The following IL1RAPL2 variants were observed in gnomAD, a reference collection of about 807,000 sequenced individuals.
The protein encoded by IL1RAPL2 is X-linked interleukin-1 receptor accessory protein-like 2.
A neutral mutation model predicts 44.1 loss-of-function variants in IL1RAPL2; 3 were observed. The observed-to-expected ratio is 0.07, with a 90% confidence interval of 0.03 to 0.18. The LOEUF (loss-of-function observed/expected upper bound fraction) is 0.18, where lower values mean the gene tolerates loss of function less well. IL1RAPL2 is among the 10% of genes least tolerant of loss of function. The pLI is 1.00. For missense variants in IL1RAPL2, 391 were observed against 496.4 expected, an observed-to-expected ratio of 0.79 and a Z score of 2.02; for synonymous variants, 181 against 178.8, an observed-to-expected ratio of 1.01 and a Z score of -0.10.
intron 1 of IL1RAPL2, among the ~76,000 whole-genome samples, chrX:104,652,901 G>A (rs1048810571): frequency 9.0e-6 from 1 of 111,013 alleles, no homozygotes; most frequent in African/African-American, 3.3e-5. Context: ...CTAGGAGTTT[G>A]GGGACATGTA....
At chrX:105,311,611 TACACACACACAC>T (rs369751919) in intron 5 of IL1RAPL2, among the ~76,000 whole-genome samples, 1 of 92,556 alleles carries the variant, frequency 1.1e-5, no homozygotes, top group Non-Finnish European at 2.1e-5. Context: ...TATACATACA[TACACACACACAC>T]ACACACACAC....
intron 2 of IL1RAPL2, among the ~76,000 whole-genome samples, chrX:104,748,189 T>A (rs1932206037): frequency 9.0e-6 from 1 of 111,451 alleles, no homozygotes; most frequent in Non-Finnish European, 1.9e-5. Context: ...GGAGGAAATT[T>A]ACATTTGTAA....
chrX:104,846,342 C>T (rs1039632192), intron 2 of IL1RAPL2, among the ~76,000 whole-genome samples: 1 of 109,780 alleles, frequency 9.1e-6, no homozygotes, highest in African/African-American at 3.3e-5. Flanking sequence ...GCTATCCCTC[C>T]CCCCTCTCCC....
chrX:105,176,979 G>C (rs2033479870), intron 2 of IL1RAPL2, among the ~76,000 whole-genome samples: 2 of 111,299 alleles, frequency 1.8e-5, no homozygotes, highest in African/African-American at 6.5e-5. Flanking sequence ...AAGAACACTA[G>C]CTATCAGTGA....
chrX:105,759,935 G>A (rs1463495569), intron 10 of IL1RAPL2, among the ~76,000 whole-genome samples: 1 of 111,847 alleles, frequency 8.9e-6, no homozygotes, highest in Non-Finnish European at 1.9e-5. Context: ...TAATAAAATC[G>A]TTTTCCAGAC....
At chrX:104,884,923 C>T (rs1051289884) in intron 2 of IL1RAPL2, among the ~76,000 whole-genome samples, 5 of 110,972 alleles carry the variant, frequency 4.5e-5, no homozygotes, top group Non-Finnish European at 9.4e-5. Context: ...ACAAAAACCC[C>T]CAGGCTATCG....
At chrX:105,308,873 G>C (rs2034772766) in intron 5 of IL1RAPL2, among the ~76,000 whole-genome samples, 1 of 111,550 alleles carries the variant, frequency 9.0e-6, no homozygotes, top group Non-Finnish European at 1.9e-5. Context: ...TTTTGCCAAA[G>C]TTCTTGTATT....
chrX:104,801,279 A>G (rs1296718743), intron 2 of IL1RAPL2, among the ~76,000 whole-genome samples: 1 of 111,773 alleles, frequency 8.9e-6, no homozygotes, highest in Non-Finnish European at 1.9e-5. Flanking sequence ...TCTGATTGCT[A>G]CTTAGACTGA....
rs773807426 is a variant in IL1RAPL2, at chrX:104,913,454, G to T, written c.82+254459G>T. ...CAGGTCCCTGAGCAAACTGGAAGGG[G>T]TATGTTCTGTTTTGTTTGCTCTGGG... On this transcript the variant is annotated intron_variant, in intron 2 of 10. Transcript: ENST00000372582. Among the ~76,000 whole-genome samples, 4 of 111,637 alleles carry T rather than the reference G, an allele frequency of 3.6e-5. No homozygotes were observed. The South Asian group carries it at 1.1e-3, about 32-fold the overall frequency.
chrX:104,868,798 G>C (rs1159083985), intron 2 of IL1RAPL2, among the ~76,000 whole-genome samples: 1 of 111,950 alleles, frequency 8.9e-6, no homozygotes, highest in Non-Finnish European at 1.9e-5. Flanking sequence ...ACCTTGCACA[G>C]CTCTGAATAC....
chrX:105,054,808 T>G (rs1001187393), intron 2 of IL1RAPL2, among the ~76,000 whole-genome samples: 14 of 112,029 alleles, frequency 1.2e-4, no homozygotes, highest in Non-Finnish European at 1.7e-4. Flanking sequence ...GCCTAAATTG[T>G]CTGGCTGGCT....
At chrX:104,956,695 GCTTT>G (rs1486795405) in intron 2 of IL1RAPL2, among the ~76,000 whole-genome samples, 1 of 111,040 alleles carries the variant, frequency 9.0e-6, no homozygotes, top group Admixed American at 9.6e-5. Context: ...TAATTCTGTG[GCTTT>G]CTTCATAGCA....
At chrX:105,018,729 C>T (rs1292114801) in intron 2 of IL1RAPL2, among the ~76,000 whole-genome samples, 1 of 111,091 alleles carries the variant, frequency 9.0e-6, no homozygotes, top group Admixed American at 9.6e-5. Context: ...TTACCTTAGT[C>T]CATTAGATAT....
intron 5 of IL1RAPL2, among the ~76,000 whole-genome samples, chrX:105,390,206 C>G (rs972239270): frequency 1.3e-4 from 14 of 111,437 alleles, no homozygotes; most frequent in African/African-American, 4.6e-4. Context: ...TCACTCTACT[C>G]TGTAACACAC....
chrX:104,832,089 A>G (rs1569322745), intron 2 of IL1RAPL2, among the ~76,000 whole-genome samples: 1 of 111,075 alleles, frequency 9.0e-6, no homozygotes, highest in East Asian at 2.8e-4. Context: ...TTTCTATATC[A>G]TGCATTAGCA....
chrX:105,533,267 C>T (rs1424607490), intron 6 of IL1RAPL2, among the ~76,000 whole-genome samples: 2 of 111,937 alleles, frequency 1.8e-5, no homozygotes, highest in East Asian at 5.6e-4. Context: ...CATGGAGAAC[C>T]TAATTGTTTA....
At chrX:105,667,768 G>A (rs1255062910) in intron 6 of IL1RAPL2, among the ~76,000 whole-genome samples, 1 of 111,262 alleles carries the variant, frequency 9.0e-6, no homozygotes, top group Non-Finnish European at 1.9e-5. Flanking sequence ...TTAATAACAT[G>A]GATAGAAGGG....
At chrX:105,277,814 G>C (rs1189747587) in intron 5 of IL1RAPL2, among the ~76,000 whole-genome samples, 1 of 109,239 alleles carries the variant, frequency 9.2e-6, no homozygotes, top group African/African-American at 3.4e-5. Context: ...TGACCTTGGG[G>C]AACTAGAAGA....
chrX:104,837,629 C>T lies in IL1RAPL2; in HGVS notation c.82+178634C>T, dbSNP rs966953604. On this transcript the variant is annotated intron_variant, in intron 2 of 10. Coordinates refer to ENST00000372582, the MANE Select transcript of IL1RAPL2 (RefSeq NM_017416.2). ...TTTCTTATAGATTCTGGATATTAGA[C>T]CTTTGTCCAATGGGTAGATTGCAAA... Among the ~76,000 whole-genome samples, 4 of 111,505 alleles carry T rather than the reference C, an allele frequency of 3.6e-5. No homozygotes were observed. In the Admixed American group the frequency reaches 3.8e-4, roughly 11 times the overall value.
Sources: allele counts gnomAD v4.1 joint callset (sites outside exome capture counted in the v4.1 genomes callset), GRCh38; gene constraint gnomAD v4.1.1; transcripts MANE v1.5; gene names NCBI Gene and HGNC (gene_info 2026-07-23, HGNC 2026-07-21).